The following HIBCH variants were observed in gnomAD, a reference collection of about 807,000 sequenced individuals.
HIBCH encodes 3-hydroxyisobutyryl-CoA hydrolase.
Under a neutral mutation model 58.2 loss-of-function variants are expected in HIBCH, and 50 were observed. That is an observed-to-expected ratio of 0.86 (90% confidence interval 0.68 to 1.09). The LOEUF (loss-of-function observed/expected upper bound fraction) is 1.09, where lower values mean the gene tolerates loss of function less well. Among genes scored for constraint, HIBCH ranks in the 50% least tolerant of loss-of-function variants. The pLI, the probability that HIBCH is intolerant of heterozygous loss-of-function variation, is 0.00. For missense variants in HIBCH, 450 were observed against 449.7 expected, an observed-to-expected ratio of 1.00 and a Z score of -0.01; for synonymous variants, 151 against 146.9, an observed-to-expected ratio of 1.03 and a Z score of -0.20.
At chr2:190,250,248 G>A in intron 8 of HIBCH, 1 of 362,040 alleles carries the variant, frequency 2.8e-6, no homozygotes, top group Non-Finnish European at 5.6e-6. Flanking sequence ...ACCTTTTCCT[G>A]ATAATACTCA....
chr2:190,273,200 C>T (rs1488831959), intron 6 of HIBCH, among the ~76,000 whole-genome samples: 1 of 152,104 alleles, frequency 6.6e-6, no homozygotes, highest in Admixed American at 6.5e-5. Flanking sequence ...CGAGACCAGC[C>T]TGACCAACAT....
intron 4 of HIBCH, among the ~76,000 whole-genome samples, chr2:190,292,262 T>TCTTC (rs1289623253): frequency 3.3e-5 from 5 of 151,956 alleles, no homozygotes; most frequent in Non-Finnish European, 7.4e-5. Context: ...TTCTGATATC[T>TCTTC]CTTCCTTCAA....
chr2:190,306,004 G>A lies in HIBCH; in HGVS notation c.78+4750C>T, dbSNP rs142251203. 7.0e-4 allele frequency among the ~76,000 whole-genome samples: 107 copies of A among 152,234 alleles called. No homozygotes were observed. Among genetic ancestry groups the A allele is most frequent in the African/African-American group, 2.6e-3 (106 of 41,558 alleles). Reference sequence around the variant, plus strand: ...CATAAACTATTAGCAAAAATGGAATGCCATACCTTATTCTGCACCTCCCAC... The same window carrying A: ...CATAAACTATTAGCAAAAATGGAATACCATACCTTATTCTGCACCTCCCAC... On this transcript the variant is annotated intron_variant, in intron 2 of 13. Transcript: ENST00000359678. This position sits in a 1 kb window ranked among gnomAD's most constrained non-coding sequence, Gnocchi z 4.6.
intron 3 of HIBCH, 46 bp downstream of exon 3, chr2:190,296,767 A>G (rs1283018895): frequency 1.3e-6 from 2 of 1,513,184 alleles, no homozygotes; most frequent in Non-Finnish European, 1.8e-6. Context: ...CTATTATGAT[A>G]TACTTTGAAA....
rs1646633796 is a variant in HIBCH, at chr2:190,214,393, G to A, written c.892-1318C>T. 1 of 152,206 alleles carries A rather than the reference G, an allele frequency of 6.6e-6. No individual in the cohort carries two copies. Among genetic ancestry groups the A allele is most frequent in the Admixed American group, 6.5e-5 (1 of 15,272 alleles). The allele number at this position is 152,206 out of a possible 1,614,324, so 9.4% of individuals were successfully genotyped here. ...AGGAATTCTAGGCCTACAGAACAAAGGAAAGAGCGAACTAAAAAGACCCCC... is the reference window on the plus strand; with the variant it reads ...AGGAATTCTAGGCCTACAGAACAAAAGAAAGAGCGAACTAAAAAGACCCCC... On this transcript the variant is annotated intron_variant, in intron 11 of 13. Transcript: ENST00000359678. The surrounding 1 kb of genome is among the most constrained non-coding windows in gnomAD (Gnocchi z 5.5).
chr2:190,256,552 A>C (rs573849914), intron 7 of HIBCH, among the ~76,000 whole-genome samples: 1 of 150,732 alleles, frequency 6.6e-6, no homozygotes, highest in Non-Finnish European at 1.5e-5. Flanking sequence ...TACTTAAAAG[A>C]ATACAAAAAT....
chr2:190,231,547 A>G (rs1347143735), intron 11 of HIBCH, among the ~76,000 whole-genome samples: 1 of 152,194 alleles, frequency 6.6e-6, no homozygotes, highest in Non-Finnish European at 1.5e-5. Context: ...TCACACTGAC[A>G]AAGAATATCC....
At chr2:190,232,030 C>T (rs1330407935) in intron 11 of HIBCH, among the ~76,000 whole-genome samples, 1 of 151,986 alleles carries the variant, frequency 6.6e-6, no homozygotes, top group Non-Finnish European at 1.5e-5. Context: ...ACCCAGTCTA[C>T]TAAAAACTAC....
chr2:190,314,433 A>T (rs1029634694), intron 1 of HIBCH, among the ~76,000 whole-genome samples: 5 of 150,364 alleles, frequency 3.3e-5, no homozygotes, highest in African/African-American at 1.2e-4. Flanking sequence ...ATACACACAC[A>T]ACCAAATTCC....
chr2:190,316,468 G>A (rs1688712316), intron 1 of HIBCH, among the ~76,000 whole-genome samples: 2 of 152,074 alleles, frequency 1.3e-5, no homozygotes, highest in Non-Finnish European at 2.9e-5. Context: ...GAATGGTAGA[G>A]ATTAAAAAGA....
rs968642140 is a variant in HIBCH, at chr2:190,216,518, GAGA to G, written c.892-3446_892-3444del. 2.6e-5 allele frequency among the ~76,000 whole-genome samples: 4 copies of G among 152,282 alleles called. No individual in the cohort carries two copies. The highest frequency in any genetic ancestry group is 4.1e-4 in the South Asian group (2 of 4,822). On this transcript the variant is annotated intron_variant, in intron 11 of 13. Coordinates refer to ENST00000359678, the MANE Select transcript of HIBCH (RefSeq NM_014362.4). The surrounding 1 kb of genome is among the most constrained non-coding windows in gnomAD (Gnocchi z 4.2). ...AATGACTACAGGGCCAGTAAATGAT[GAGA>G]AGGAGGGCTGCAGGGCTGTGTGGGG...
At chr2:190,242,854 T>A (rs1686492035) in intron 11 of HIBCH, among the ~76,000 whole-genome samples, 1 of 152,250 alleles carries the variant, frequency 6.6e-6, no homozygotes, top group Admixed American at 6.5e-5. Flanking sequence ...TTTACTGACT[T>A]CATATTGGCA....
At position 190,290,290 on chromosome 2, in the gene HIBCH, A is replaced by C. The variant is rs183935677; in HGVS notation, c.385+115T>G. 3.2e-5 allele frequency: 24 copies of C among 743,386 alleles called. No individual in the cohort carries two copies. In the East Asian group the frequency reaches 6.2e-4, roughly 19 times the overall value. 46.0% of individuals were successfully genotyped at this position (743,386 alleles called of 1,614,324 possible). On this transcript the variant is annotated intron_variant, in intron 5 of 13. Coordinates refer to ENST00000359678, the MANE Select transcript of HIBCH (RefSeq NM_014362.4). ...TTAATCAACTTTACTTATGCCTGGCACATGGTATTAAAAGTTTAAGTAAGG... is the reference window on the plus strand; with the variant it reads ...TTAATCAACTTTACTTATGCCTGGCCCATGGTATTAAAAGTTTAAGTAAGG...
chr2:190,307,421 T>A (rs1688441650), intron 2 of HIBCH, among the ~76,000 whole-genome samples: 1 of 152,214 alleles, frequency 6.6e-6, no homozygotes, highest in Non-Finnish European at 1.5e-5. Context: ...CCTATCATTC[T>A]AGCACATTGA....
chr2:190,272,107 T>C (rs1040986849), intron 6 of HIBCH, among the ~76,000 whole-genome samples: 2 of 152,166 alleles, frequency 1.3e-5, no homozygotes, highest in Non-Finnish European at 2.9e-5. Context: ...TTCCCTACAC[T>C]ACCCCCATCA....
Position 190,306,540 on chromosome 2 carries a change from T to C in HIBCH, c.78+4214A>G, listed in dbSNP as rs568556761. On this transcript the variant is annotated intron_variant, in intron 2 of 13. Coordinates refer to ENST00000359678, the MANE Select transcript of HIBCH (RefSeq NM_014362.4). This position sits in a 1 kb window ranked among gnomAD's most constrained non-coding sequence, Gnocchi z 4.6. ...GTACTGTCATGCAATATACTGCATATGCAGGCACTCATATAGGTCCTCTGT... is the reference window on the plus strand; with the variant it reads ...GTACTGTCATGCAATATACTGCATACGCAGGCACTCATATAGGTCCTCTGT... Among the ~76,000 whole-genome samples the C allele has an allele frequency of 2.6e-5, 4 of 152,294 alleles. No homozygotes were observed. The highest frequency in any genetic ancestry group is 9.6e-5 in the African/African-American group (4 of 41,564).
At chr2:190,221,560 C>G (rs1002133147) in intron 11 of HIBCH, among the ~76,000 whole-genome samples, 4 of 152,156 alleles carry the variant, frequency 2.6e-5, no homozygotes, top group Non-Finnish European at 4.4e-5. Flanking sequence ...ACAGAAATTC[C>G]GGGAAGAGGG....
chr2:190,200,169 TTGAC>T (rs1690184996), downstream of HIBCH: 1 of 1,602,134 alleles, frequency 6.2e-7, no homozygotes. Context: ...TGACAACACT[TTGAC>T]TGTGGAGGTG....
At chr2:190,291,595 G>A (rs1333665366) in intron 4 of HIBCH, among the ~76,000 whole-genome samples, 1 of 152,154 alleles carries the variant, frequency 6.6e-6, no homozygotes, top group Non-Finnish European at 1.5e-5. Context: ...ATAATATACT[G>A]ACATTCTTAT....
Sources: allele counts gnomAD v4.1 joint callset (sites outside exome capture counted in the v4.1 genomes callset), GRCh38; gene constraint gnomAD v4.1.1; non-coding constraint Gnocchi (gnomAD v3.1); transcripts MANE v1.5; gene names NCBI Gene and HGNC (gene_info 2026-07-23, HGNC 2026-07-21).